The following LAMA3 variants were observed in gnomAD, a reference collection of about 807,000 sequenced individuals.
LAMA3 encodes the protein laminin subunit alpha-3.
Under a neutral mutation model 402.0 loss-of-function variants are expected in LAMA3, and 281 were observed. That is an observed-to-expected ratio of 0.70 (90% CI 0.63 to 0.77). The LOEUF is 0.77. Among genes scored for constraint, LAMA3 ranks in the 30% least tolerant of loss-of-function variants. LAMA3 has a pLI of 0.00. For missense variants in LAMA3, 3,840 were observed against 4,215.5 expected, an observed-to-expected ratio of 0.91 and a Z score of 2.47; for synonymous variants, 1,431 against 1,558.4, an observed-to-expected ratio of 0.92 and a Z score of 1.93.
chr18:23,766,604 G>A (rs1483511643), intron 8 of LAMA3, among the ~76,000 whole-genome samples: 2 of 152,166 alleles, frequency 1.3e-5, no homozygotes, highest in East Asian at 1.9e-4. Context: ...TTGGGAGGCC[G>A]AGGTGGGCAG....
In LAMA3 at chr18:23,846,417, T is replaced by G; in HGVS notation, c.3840T>G (p.Pro1280=). The part of the protein sequence containing the change: ...PTGATGPHCS[P]EGGQCPCQPN... ...GGGCCACCGGCCCTCACTGCAGCCCTGAGGGTGGGCAGTGCCCATGCCAGC... is the reference window on the plus strand; with the variant it reads ...GGGCCACCGGCCCTCACTGCAGCCCGGAGGGTGGGCAGTGCCCATGCCAGC... The change falls in exon 31 of 75, where the codon CCT becomes CCG. Residue 1280 remains proline (P), a synonymous_variant. Transcript: ENST00000313654. The G allele has an allele frequency of 1.9e-6, 3 of 1,613,994 alleles. No individual in the cohort carries two copies. Among genetic ancestry groups the G allele is most frequent in the Non-Finnish European group, 2.5e-6 (3 of 1,180,018 alleles).
intron 29 of LAMA3, 60 bp from the exon 30 acceptor site, chr18:23,844,949 G>A (rs1311941115): frequency 1.0e-6 from 1 of 960,008 alleles, no homozygotes. Flanking sequence ...TGTATAATAA[G>A]TAGCCTTAGG....
intron 55 of LAMA3, 102 bp from the exon 56 acceptor site, chr18:23,912,609 A>G: frequency 1.1e-6 from 1 of 939,168 alleles, no homozygotes; most frequent in East Asian, 2.4e-5. Context: ...ATAACAACTC[A>G]GGAAAGGCTG....
At chr18:23,733,064 T>A (rs2061418930) in intron 2 of LAMA3, among the ~76,000 whole-genome samples, 1 of 152,020 alleles carries the variant, frequency 6.6e-6, no homozygotes, top group Non-Finnish European at 1.5e-5. Context: ...CAGATAGAGC[T>A]CCAGGTTTGG....
intron 29 of LAMA3, 101 bp downstream of exon 29, chr18:23,842,851 A>G (rs2063735075): frequency 6.9e-7 from 1 of 1,449,438 alleles, no homozygotes; most frequent in Non-Finnish European, 9.7e-7. Context: ...CAAGGAATTG[A>G]AGTCATATTT....
At chr18:23,901,084 A>G (rs1217373802) in intron 47 of LAMA3, 43 bp from the exon 48 acceptor site, 3 of 1,525,848 alleles carry the variant, frequency 2.0e-6, no homozygotes, top group Non-Finnish European at 2.7e-6. Flanking sequence ...CAGCTTCAGT[A>G]TGCTCATCTG....
chr18:23,906,733 C>T (rs1308998901), intron 52 of LAMA3, among the ~76,000 whole-genome samples: 3 of 152,112 alleles, frequency 2.0e-5, no homozygotes, highest in African/African-American at 7.2e-5. Context: ...ATTTGCCTTG[C>T]AAATTTCAAT....
intron 41 of LAMA3, among the ~76,000 whole-genome samples, chr18:23,888,809 A>C (rs1305386106): frequency 6.6e-6 from 1 of 152,156 alleles, no homozygotes; most frequent in Non-Finnish European, 1.5e-5. Flanking sequence ...AAGTCAATTG[A>C]TGATAAGACA....
At chr18:23,710,357 A>AG in intron 1 of LAMA3, 1 of 397,278 alleles carries the variant, frequency 2.5e-6, no homozygotes, top group South Asian at 2.7e-5. Flanking sequence ...AAGCCCCACG[A>AG]GGTTATCTTC....
chr18:23,937,052 A>G (rs2082331647), intron 67 of LAMA3, among the ~76,000 whole-genome samples: 1 of 152,140 alleles, frequency 6.6e-6, no homozygotes, highest in Admixed American at 6.5e-5. Flanking sequence ...TTGGCAAGCT[A>G]CCGTAATCAT....
chr18:23,806,466 G>C (rs1422265993), intron 12 of LAMA3, among the ~76,000 whole-genome samples: 1 of 152,088 alleles, frequency 6.6e-6, no homozygotes, highest in Non-Finnish European at 1.5e-5. Flanking sequence ...AGAATCAGTG[G>C]GGTCTTCCAT....
intron 60 of LAMA3, among the ~76,000 whole-genome samples, chr18:23,919,051 A>G (rs1324748450): frequency 6.6e-6 from 1 of 152,216 alleles, no homozygotes; most frequent in Non-Finnish European, 1.5e-5. Context: ...GAGACTAAGA[A>G]CCAGAAATAC....
chr18:23,723,966 T>G (rs1448380314), intron 2 of LAMA3, among the ~76,000 whole-genome samples: 1 of 152,176 alleles, frequency 6.6e-6, no homozygotes, highest in African/African-American at 2.4e-5. Context: ...TGTCAGATTT[T>G]GGTGCACCCG....
chr18:23,826,571 G>A (rs368559394), intron 21 of LAMA3, 131 bp from the exon 22 acceptor site: 4 of 728,994 alleles, frequency 5.5e-6, no homozygotes, highest in Non-Finnish European at 2.4e-6. Context: ...GAACAAAGCA[G>A]TTGATATGGA....
At chr18:23,875,604 C>T (rs2064683929) in intron 38 of LAMA3, among the ~76,000 whole-genome samples, 1 of 152,128 alleles carries the variant, frequency 6.6e-6, no homozygotes, top group Non-Finnish European at 1.5e-5. Flanking sequence ...TAAAGTGACT[C>T]CACTGATTGT....
chr18:23,850,851 T>C (rs1468313512), intron 32 of LAMA3, among the ~76,000 whole-genome samples: 1 of 152,248 alleles, frequency 6.6e-6, no homozygotes, highest in Non-Finnish European at 1.5e-5. Context: ...AGATCCCTGG[T>C]AGTAAAAGCT....
intron 12 of LAMA3, among the ~76,000 whole-genome samples, chr18:23,788,002 A>G (rs2062579171): frequency 6.6e-6 from 1 of 152,138 alleles, no homozygotes; most frequent in African/African-American, 2.4e-5. Context: ...TATGGGGCCT[A>G]TATCATATAA....
In LAMA3 at chr18:23,857,971, G is replaced by A. The variant is rs745454380; in HGVS notation, c.4264G>A (p.Gly1422Arg). The change falls in exon 33 of 75, where the codon GGG becomes AGG. Residue 1422 changes from glycine to arginine, a missense_variant. Physicochemically the swap from Gly to Arg is moderately radical, Grantham distance 125 (BLOSUM62 -2). Coordinates refer to ENST00000313654, the MANE Select transcript of LAMA3 (RefSeq NM_198129.4). ...GCCAGGAGTGTGTGACCCAGGGACC[G>A]GGGCTTGCCTCTGCAAGGTAAGAGA... ...TEPGVCDPGT[G>R]ACLCKENVEG... 46 of 1,613,880 alleles carry A rather than the reference G, an allele frequency of 2.9e-5. 1 individual carries two copies. The highest frequency in any genetic ancestry group is 4.0e-5 in the African/African-American group (3 of 74,896).
chr18:23,925,453 CAG>C (rs1219119176), intron 62 of LAMA3, among the ~76,000 whole-genome samples: 3 of 152,212 alleles, frequency 2.0e-5, no homozygotes, highest in Non-Finnish European at 4.4e-5. Context: ...CCATTGTTTA[CAG>C]AGTGTGATTA....
Sources: gnomAD v4.1 joint callset for allele counts (sites outside exome capture counted in the v4.1 genomes callset) on GRCh38, gnomAD v4.1.1 for gene constraint, MANE v1.5 for transcripts, NCBI Gene and HGNC (gene_info 2026-07-23, HGNC 2026-07-21) for gene names.